Variants in RASGRF2 observed in about 807,000 individuals in gnomAD.
The protein encoded by RASGRF2 is ras-specific guanine nucleotide-releasing factor 2.
A neutral mutation model predicts 151.0 loss-of-function variants in RASGRF2; 76 were observed. The ratio of observed to expected loss-of-function variants is 0.50; its 90% confidence interval spans 0.42 to 0.61. The LOEUF is 0.61. RASGRF2 is among the 20% of genes least tolerant of loss of function. RASGRF2 has a pLI of 0.00. For synonymous variants in RASGRF2, 504 were observed against 566.5 expected, an observed-to-expected ratio of 0.89 and a Z score of 1.57; for missense variants, 1,148 against 1,564.6, an observed-to-expected ratio of 0.73 and a Z score of 4.49.
chr5:81,220,790 A>T (rs559873703), intron 26 of RASGRF2, among the ~76,000 whole-genome samples: 2 of 152,148 alleles, frequency 1.3e-5, no homozygotes, highest in African/African-American at 4.8e-5. Context: ...TTAACTGAAG[A>T]CCATCATTTA....
intron 1 of RASGRF2, among the ~76,000 whole-genome samples, chr5:81,037,699 T>G (rs1481610457): frequency 6.6e-6 from 1 of 152,236 alleles, no homozygotes; most frequent in Non-Finnish European, 1.5e-5. Context: ...CAAAAAATGT[T>G]AAAAGGTGCA....
At chr5:80,996,018 C>A (rs1023969219) in intron 1 of RASGRF2, among the ~76,000 whole-genome samples, 1 of 152,020 alleles carries the variant, frequency 6.6e-6, no homozygotes, top group Non-Finnish European at 1.5e-5. Flanking sequence ...TTGACAGTAA[C>A]TAGTGATGAT....
intron 15 of RASGRF2, among the ~76,000 whole-genome samples, chr5:81,114,141 A>G (rs968524941): frequency 1.3e-5 from 2 of 152,236 alleles, no homozygotes; most frequent in Non-Finnish European, 2.9e-5. Flanking sequence ...CCCCTGTAGT[A>G]AAAGGCTTAT....
intron 18 of RASGRF2, among the ~76,000 whole-genome samples, chr5:81,194,341 A>T (rs1457560378): frequency 6.6e-6 from 1 of 151,894 alleles, no homozygotes; most frequent in Non-Finnish European, 1.5e-5. Flanking sequence ...TGGGTGACAG[A>T]GTGAGACTCT....
chr5:81,224,621 T>C (rs936714060), intron 26 of RASGRF2, among the ~76,000 whole-genome samples: 26 of 152,194 alleles, frequency 1.7e-4, no homozygotes, highest in African/African-American at 5.8e-4. Flanking sequence ...TAGCCCCTAT[T>C]TGGGAAGAGC....
chr5:81,021,926 TG>T (rs953738815), intron 1 of RASGRF2, among the ~76,000 whole-genome samples: 66 of 152,228 alleles, frequency 4.3e-4, no homozygotes, highest in African/African-American at 1.6e-3. Context: ...AGAGAAGTCA[TG>T]GGACAGGGAG....
chr5:81,053,634 T>C (rs771248494), intron 2 of RASGRF2, among the ~76,000 whole-genome samples: 1 of 152,234 alleles, frequency 6.6e-6, no homozygotes, highest in Non-Finnish European at 1.5e-5. Context: ...CCTTTGGATA[T>C]ATACCCAGTA....
chr5:81,020,497 C>A (rs13183094), intron 1 of RASGRF2, among the ~76,000 whole-genome samples: 15,752 of 152,138 alleles, frequency 0.1, 1,021 homozygotes, highest in African/African-American at 0.18. Flanking sequence ...ATCATTTATT[C>A]ACCCAAATAT....
chr5:81,142,094 A>G (rs1309060093), intron 17 of RASGRF2, among the ~76,000 whole-genome samples: 2 of 152,200 alleles, frequency 1.3e-5, no homozygotes, highest in African/African-American at 4.8e-5. Flanking sequence ...ACAAGCTAAA[A>G]TGTAAAATTT....
intron 1 of RASGRF2, among the ~76,000 whole-genome samples, chr5:80,998,686 C>G (rs1748976214): frequency 6.6e-6 from 1 of 152,194 alleles, no homozygotes; most frequent in African/African-American, 2.4e-5. Context: ...TAAGTGCCTT[C>G]TGCTGTGCGT....
At position 81,212,407 on chromosome 5, in the gene RASGRF2, T is replaced by C. The variant is rs1373926051; in HGVS notation, c.3198T>C (p.Asp1066=). The part of the protein sequence containing the change: ...LVASQIMNYA[D]VSSRANAIEK... ...CCTCCCAGATAATGAACTATGCTGATGTCAGCTCCCGTGCCAACGCCATCG... is the reference window on the plus strand; with the variant it reads ...CCTCCCAGATAATGAACTATGCTGACGTCAGCTCCCGTGCCAACGCCATCG... The change falls in exon 23 of 27, where the codon GAT becomes GAC. Residue 1066 remains aspartate (D), a synonymous_variant. Coordinates refer to ENST00000265080, the MANE Select transcript of RASGRF2 (RefSeq NM_006909.3). The C allele has an allele frequency of 6.2e-7, 1 of 1,613,850 alleles. No individual in the cohort carries two copies. Among genetic ancestry groups the C allele is most frequent in the Non-Finnish European group, 8.5e-7 (1 of 1,179,790 alleles).
At chr5:81,067,972 T>C (rs1482495724) in intron 2 of RASGRF2, 60 bp from the exon 3 acceptor site, 7 of 1,377,924 alleles carry the variant, frequency 5.1e-6, no homozygotes, top group Non-Finnish European at 9.7e-7. Flanking sequence ...TTATATTCTA[T>C]ATGGAACTCT....
At chr5:81,042,595 G>A (rs565930547) in intron 1 of RASGRF2, among the ~76,000 whole-genome samples, 58 of 152,256 alleles carry the variant, frequency 3.8e-4, no homozygotes, top group African/African-American at 1.2e-3. Context: ...CTGCATAGCC[G>A]AATTTGTGCA....
At chr5:80,983,879 TCTTTA>T (rs1241388384) in intron 1 of RASGRF2, among the ~76,000 whole-genome samples, 5 of 152,256 alleles carry the variant, frequency 3.3e-5, no homozygotes, top group Non-Finnish European at 5.9e-5. Flanking sequence ...TACTTATTTC[TCTTTA>T]CTTCTTTTTC....
At chr5:81,066,617 T>A (rs1751614774) in intron 2 of RASGRF2, among the ~76,000 whole-genome samples, 1 of 152,236 alleles carries the variant, frequency 6.6e-6, no homozygotes, top group African/African-American at 2.4e-5. Flanking sequence ...GTCTCTCCTG[T>A]CTTTGCTTTT....
At chr5:81,001,993 TATCTACGA>T (rs1749096159) in intron 1 of RASGRF2, among the ~76,000 whole-genome samples, 1 of 152,222 alleles carries the variant, frequency 6.6e-6, no homozygotes, top group African/African-American at 2.4e-5. Context: ...TTGGTCAGTT[TATCTACGA>T]AGAGACATGT....
intron 17 of RASGRF2, among the ~76,000 whole-genome samples, chr5:81,135,525 A>G (rs1413439344): frequency 6.6e-6 from 1 of 152,198 alleles, no homozygotes; most frequent in Non-Finnish European, 1.5e-5. Context: ...GGAATTACTC[A>G]TACAATATGT....
intron 1 of RASGRF2, among the ~76,000 whole-genome samples, chr5:81,027,464 GC>G (rs1475983659): frequency 6.6e-6 from 1 of 152,154 alleles, no homozygotes; most frequent in Admixed American, 6.5e-5. Flanking sequence ...ACTCTGCTCT[GC>G]CCATTCCCCT....
At chr5:81,157,813 A>G (rs1397054453) in intron 17 of RASGRF2, among the ~76,000 whole-genome samples, 2 of 152,210 alleles carry the variant, frequency 1.3e-5, no homozygotes, top group African/African-American at 4.8e-5. Context: ...CGAGAAGAAC[A>G]TGGGGAAAAC....
Sources: allele counts gnomAD v4.1 joint callset (sites outside exome capture counted in the v4.1 genomes callset), GRCh38; gene constraint gnomAD v4.1.1; transcripts MANE v1.5; gene names NCBI Gene and HGNC (gene_info 2026-07-23, HGNC 2026-07-21).